The following ABHD18 variants were observed in gnomAD, a reference collection of about 807,000 sequenced individuals.
ABHD18 encodes the protein cardiolipin-specific deacylase, mitochondrial.
Under a neutral mutation model 65.9 loss-of-function variants are expected in ABHD18, and 55 were observed. The ratio of observed to expected loss-of-function variants is 0.84; its 90% CI spans 0.67 to 1.05. ABHD18 has a LOEUF of 1.05. ABHD18 is among the 50% of genes least tolerant of loss of function. The probability of loss-of-function intolerance (pLI) is 0.00; values close to 1 mark genes in which losing one functional copy is unlikely to be tolerated. For synonymous variants in ABHD18, 181 were observed against 180.2 expected (o/e 1.00, Z -0.04); for missense variants, 533 against 558.5 (o/e 0.95, Z 0.46).
chr4:127,986,187 C>G (rs1749920860), intron 3 of ABHD18, among the ~76,000 whole-genome samples: 1 of 152,144 alleles, frequency 6.6e-6, no homozygotes, highest in African/African-American at 2.4e-5. Flanking sequence ...TGCCTCTTCC[C>G]CCACCTGCTG....
Position 128,030,501 on chromosome 4 carries a change from T to C in ABHD18, c.1181-9T>C, listed in dbSNP as rs763544351. The stretch of plus-strand genomic sequence containing the variant: ...GTATATGTTGAATTTTTAAAAATCC[T>C]ATACCTAGTCCCAGTTGATCCAAGC... On this transcript the variant is annotated splice_polypyrimidine_tract_variant and intron_variant, in intron 11 of 12. Coordinates refer to ENST00000645843, the MANE Select transcript of ABHD18 (RefSeq NM_001358451.3). The C allele has an allele frequency of 4.6e-6, 7 of 1,518,366 alleles. No homozygotes were observed. In the African/African-American group the frequency reaches 7.1e-5, roughly 15 times the overall value. 94.1% of individuals were successfully genotyped at this position (1,518,366 alleles called of 1,614,324 possible).
intron 4 of ABHD18, among the ~76,000 whole-genome samples, chr4:128,007,328 TAAAA>T (rs750294558): frequency 5.1e-5 from 3 of 58,830 alleles, no homozygotes; most frequent in Non-Finnish European, 7.2e-5. Flanking sequence ...ACCTTGTCTC[TAAAA>T]AAAAAAAAAA....
intron 11 of ABHD18, among the ~76,000 whole-genome samples, chr4:128,029,115 G>T (rs72618819): frequency 0.03 from 4,594 of 152,112 alleles, 308 homozygotes; most frequent in East Asian, 0.27. Context: ...ATTTTGGGAG[G>T]CTGAGGCAGG....
chr4:128,035,125 G>A (rs1025580694), intron 12 of ABHD18, among the ~76,000 whole-genome samples: 3 of 152,078 alleles, frequency 2.0e-5, no homozygotes, highest in South Asian at 2.1e-4. Context: ...AATTTTCAAC[G>A]AAGCGATAAG....
chr4:128,035,686 T>C, intron 12 of ABHD18, 76 bp from the exon 13 acceptor site: 2 of 828,244 alleles, frequency 2.4e-6, no homozygotes, highest in Non-Finnish European at 3.8e-6. Context: ...AATTTGGAAA[T>C]AACTTACAGT....
chr4:127,974,156 C>CT (rs147369145), intron 1 of ABHD18, among the ~76,000 whole-genome samples: 2,107 of 119,972 alleles, frequency 0.018, 63 homozygotes, highest in African/African-American at 0.062. Context: ...ATGCAATGGT[C>CT]TTTTTTGAAG....
In ABHD18 at chr4:128,017,425, C is replaced by G; in HGVS notation, c.533C>G (p.Ser178Cys). The G allele has an allele frequency of 1.9e-6, 3 of 1,613,728 alleles. No individual in the cohort carries two copies. Among genetic ancestry groups the G allele is most frequent in the Non-Finnish European group, 2.5e-6 (3 of 1,179,770 alleles). ...FVMGGALVLE[S>C]AALLHWLERE... ...ATGGGAGGAGCTCTTGTTTTAGAAT[C>G]TGCAGCTCTCTTGCACTGGCTAGAG... Residue 178 changes from serine to cysteine, a missense_variant, in exon 8 of 13, where the codon TCT becomes TGT. Coordinates refer to ENST00000645843, the MANE Select transcript of ABHD18 (RefSeq NM_001358451.3).
intron 12 of ABHD18, among the ~76,000 whole-genome samples, chr4:128,033,118 G>A (rs939747030): frequency 6.6e-6 from 1 of 152,110 alleles, no homozygotes; most frequent in Non-Finnish European, 1.5e-5. Context: ...GCTGGGCGTG[G>A]TGGCGGGTGC....
chr4:127,982,925 A>C lies in ABHD18; in HGVS notation c.-17-14A>C. On this transcript the variant is annotated splice_polypyrimidine_tract_variant and intron_variant, in intron 1 of 12. Transcript: ENST00000645843. ...ATAAAATATTTTAAAGCCATTTTAA[A>C]TTTTGTTTTATAGATGCTTGTTTGC... The C allele has an allele frequency of 7.2e-7, 1 of 1,386,388 alleles. No individual in the cohort carries two copies. Among genetic ancestry groups the C allele is most frequent in the Non-Finnish European group, 9.7e-7 (1 of 1,031,816 alleles). 85.9% of individuals were successfully genotyped at this position (1,386,388 alleles called of 1,614,324 possible). A position where few individuals can be genotyped will look rare whatever the true frequency, so the allele number is the denominator to read the frequency against.
intron 1 of ABHD18, among the ~76,000 whole-genome samples, chr4:127,968,484 T>C (rs1226961732): frequency 1.3e-5 from 2 of 152,338 alleles, no homozygotes; most frequent in East Asian, 1.9e-4. Context: ...CTTTGAGATA[T>C]GTATCACCAA....
At chr4:127,973,740 TC>T (rs965892387) in intron 1 of ABHD18, among the ~76,000 whole-genome samples, 21 of 147,242 alleles carry the variant, frequency 1.4e-4, no homozygotes, top group African/African-American at 4.1e-4. Context: ...GTTGTGAACT[TC>T]CTATGAAGAG....
chr4:127,968,860 G>C (rs1746189541), intron 1 of ABHD18, among the ~76,000 whole-genome samples: 1 of 152,062 alleles, frequency 6.6e-6, no homozygotes, highest in Non-Finnish European at 1.5e-5. Context: ...TTCACCCTGG[G>C]CTTGGATTTT....
Position 128,021,187 on chromosome 4 carries a change from T to C in ABHD18, c.750T>C (p.Tyr250=). Residue 250 remains tyrosine, a synonymous_variant, in exon 10 of 13, where the codon TAT becomes TAC. Transcript: ENST00000645843. ...GGAGGGAGCTGGAAAAGCAATATTA[T>C]ACCCAGACAGTTTATGAAGAAGAAA... ...INWRELEKQY[Y]TQTVYEEEII... The C allele has an allele frequency of 1.3e-6, 2 of 1,548,778 alleles. No individual in the cohort carries two copies. The highest frequency in any genetic ancestry group is 8.7e-7 in the Non-Finnish European group (1 of 1,145,380).
At chr4:128,014,248 G>T (rs1755103387) in intron 7 of ABHD18, among the ~76,000 whole-genome samples, 1 of 152,098 alleles carries the variant, frequency 6.6e-6, no homozygotes, top group Non-Finnish European at 1.5e-5. Flanking sequence ...CCCCCAAAGT[G>T]CTGGGATTAC....
chr4:127,998,683 G>A (rs1338280999), intron 4 of ABHD18, among the ~76,000 whole-genome samples: 1 of 151,794 alleles, frequency 6.6e-6, no homozygotes, highest in African/African-American at 2.4e-5. Flanking sequence ...TAATTCTTCA[G>A]GTCTTTCTGG....
chr4:128,021,644 ACT>A (rs921020300), intron 10 of ABHD18, among the ~76,000 whole-genome samples: 2 of 152,104 alleles, frequency 1.3e-5, no homozygotes, highest in African/African-American at 4.8e-5. Flanking sequence ...ACAGAGTGAG[ACT>A]CTGTCTTAAA....
Position 127,971,482 on chromosome 4 carries a change from CTTTTTTTTTTTTTT to C in ABHD18, c.-18+5891_-18+5904del, listed in dbSNP as rs1156788634. On this transcript the variant is annotated intron_variant, in intron 1 of 12. Coordinates refer to ENST00000645843, the MANE Select transcript of ABHD18 (RefSeq NM_001358451.3). Reference sequence around the variant, plus strand: ...ACTCTCTGAATATGTCCAGAGTTGGCTTTTTTTTTTTTTTTTTTTTTTTTTTTTGAGACGATCTT... The same window carrying C: ...ACTCTCTGAATATGTCCAGAGTTGGCTTTTTTTTTTTTTTGAGACGATCTT... Among the ~76,000 whole-genome samples the C allele has an allele frequency of 1.3e-4, 7 of 51,908 alleles. No homozygotes were observed. In the East Asian group the frequency reaches 2.0e-3, roughly 15 times the overall value. The allele number at this position is 51,908 out of a possible 152,430, so 34.1% of individuals were successfully genotyped here.
At chr4:127,976,352 G>A (rs572074546) in intron 1 of ABHD18, among the ~76,000 whole-genome samples, 4 of 150,698 alleles carry the variant, frequency 2.7e-5, no homozygotes, top group East Asian at 1.9e-4. Flanking sequence ...TTAAGCAAAC[G>A]CCCAAGAAAA....
At chr4:127,970,929 G>A (rs1746644584) in intron 1 of ABHD18, among the ~76,000 whole-genome samples, 1 of 152,000 alleles carries the variant, frequency 6.6e-6, no homozygotes, top group African/African-American at 2.4e-5. Context: ...ACAAAAATTA[G>A]TCAGAAGTGG....
Sources: allele counts gnomAD v4.1 joint callset (sites outside exome capture counted in the v4.1 genomes callset), GRCh38; gene constraint gnomAD v4.1.1; transcripts MANE v1.5; gene names NCBI Gene and HGNC (gene_info 2026-07-23, HGNC 2026-07-21).